Variants in ABLIM1 observed in about 807,000 individuals in gnomAD.
ABLIM1 encodes actin binding LIM protein 1, also known as actin-binding LIM protein 1.
ABLIM1 carries 40 observed loss-of-function variants against 107.0 expected under a neutral mutation model. That is an observed-to-expected ratio of 0.37 (90% CI 0.29 to 0.49). ABLIM1 has a LOEUF of 0.49. ABLIM1 is among the 20% of genes least tolerant of loss of function. The probability of loss-of-function intolerance (pLI) is 0.97; values close to 1 mark genes in which losing one functional copy is unlikely to be tolerated. For synonymous variants in ABLIM1, 357 were observed against 357.3 expected, an observed-to-expected ratio of 1.00 and a Z score of 0.01; for missense variants, 857 against 1,008.5, an observed-to-expected ratio of 0.85 and a Z score of 2.04.
At chr10:114,462,929 T>C (rs2064250447) in intron 12 of ABLIM1, 16 of 1,150,688 alleles carry the variant, frequency 1.4e-5, no homozygotes, top group Non-Finnish European at 1.2e-6. Context: ...CACGCAGGCA[T>C]GCTGAGAGCT....
Position 114,437,836 on chromosome 10 carries a change from T to G in ABLIM1, c.2223+8A>C, listed in dbSNP as rs566149113. 20 of 1,613,762 alleles carry G rather than the reference T, an allele frequency of 1.2e-5. No homozygotes were observed. In the Admixed American group the frequency reaches 2.0e-4, roughly 16 times the overall value. On this transcript the variant is annotated splice_region_variant and intron_variant, in intron 22 of 22. Transcript: ENST00000533213. ...CAGTTGGGACTGGATTTTTCGGTTTTGTTTTACCTCCAGCCTGGTTCTGTC... is the reference window on the plus strand; with the variant it reads ...CAGTTGGGACTGGATTTTTCGGTTTGGTTTTACCTCCAGCCTGGTTCTGTC...
chr10:114,568,348 A>G (rs1203235665), intron 4 of ABLIM1, among the ~76,000 whole-genome samples: 1 of 152,196 alleles, frequency 6.6e-6, no homozygotes, highest in African/African-American at 2.4e-5. Flanking sequence ...ACGTTTACCC[A>G]TGTAACAAAC....
chr10:114,794,573 T>C, the ABLIM1 span, among the ~76,000 whole-genome samples: 1 of 152,218 alleles, frequency 6.6e-6, no homozygotes, highest in African/African-American at 2.4e-5. Flanking sequence ...ACATCAGTAA[T>C]TGAGGATACA....
intron 5 of ABLIM1, among the ~76,000 whole-genome samples, chr10:114,546,808 T>C (rs1374711120): frequency 2.0e-5 from 3 of 152,144 alleles, no homozygotes; most frequent in African/African-American, 4.8e-5. Context: ...TGAGACAAGG[T>C]CTTACTCAGT....
the ABLIM1 span, among the ~76,000 whole-genome samples, chr10:114,798,260 A>C: frequency 6.6e-6 from 1 of 151,796 alleles, no homozygotes; most frequent in South Asian, 2.1e-4. Context: ...ATCTCTACTA[A>C]AAATACAAAA....
At chr10:114,683,495 G>A (rs1225330612) in intron 1 of ABLIM1, among the ~76,000 whole-genome samples, 2 of 152,146 alleles carry the variant, frequency 1.3e-5, no homozygotes, top group South Asian at 4.2e-4. Context: ...TAGCAGACCC[G>A]GCTCCCCAGT....
intron 1 of ABLIM1, among the ~76,000 whole-genome samples, chr10:114,617,843 G>A (rs570820790): frequency 5.3e-5 from 8 of 152,208 alleles, no homozygotes; most frequent in Non-Finnish European, 1.0e-4. Context: ...AAGTGTGGGC[G>A]GTGGCTCACA....
chr10:114,659,629 T>C (rs2079697775), upstream of ABLIM1, among the ~76,000 whole-genome samples: 1 of 152,248 alleles, frequency 6.6e-6, no homozygotes, highest in Non-Finnish European at 1.5e-5. Context: ...AGTTCTAGGA[T>C]ACATGTGCAC....
intron 1 of ABLIM1, among the ~76,000 whole-genome samples, chr10:114,749,895 T>C (rs2082474044): frequency 6.6e-6 from 1 of 152,174 alleles, no homozygotes; most frequent in Non-Finnish European, 1.5e-5. Flanking sequence ...AAGCCTTCCC[T>C]GATCATGCCC....
intron 6 of ABLIM1, among the ~76,000 whole-genome samples, chr10:114,493,357 G>A (rs762675093): frequency 1.1e-4 from 17 of 152,194 alleles, no homozygotes; most frequent in South Asian, 2.1e-4. Flanking sequence ...CCATGGTGTC[G>A]TCTGCAGTGA....
chr10:114,544,199 C>T (rs968604630), intron 6 of ABLIM1, among the ~76,000 whole-genome samples: 2 of 152,212 alleles, frequency 1.3e-5, no homozygotes, highest in African/African-American at 2.4e-5. Context: ...CTGTAGTCAT[C>T]CCCCTAGTTG....
At chr10:114,461,251 G>C (rs1442961682) in intron 12 of ABLIM1, among the ~76,000 whole-genome samples, 1 of 151,804 alleles carries the variant, frequency 6.6e-6, no homozygotes, top group African/African-American at 2.4e-5. Flanking sequence ...ATTTTTGGTA[G>C]AGATGGGGTT....
At chr10:114,657,793 A>C (rs2079593932) in intron 1 of ABLIM1, among the ~76,000 whole-genome samples, 164 bp downstream of exon 1, 1 of 152,208 alleles carries the variant, frequency 6.6e-6, no homozygotes, top group Non-Finnish European at 1.5e-5. Context: ...AGCTACACTT[A>C]TGTTACATTC....
intron 6 of ABLIM1, among the ~76,000 whole-genome samples, chr10:114,514,725 G>A (rs929913812): frequency 3.3e-5 from 5 of 152,174 alleles, no homozygotes; most frequent in Admixed American, 1.3e-4. Context: ...CTTGCAGACT[G>A]CATGAAAACC....
chr10:114,488,149 T>C, intron 7 of ABLIM1, 133 bp from the exon 8 acceptor site: 1 of 951,150 alleles, frequency 1.1e-6, no homozygotes, highest in Non-Finnish European at 1.7e-6. Context: ...TATGTCCAAG[T>C]GAATCATAAC....
intron 6 of ABLIM1, among the ~76,000 whole-genome samples, chr10:114,500,161 T>C (rs2060203790): frequency 6.6e-6 from 1 of 152,228 alleles, no homozygotes; most frequent in Non-Finnish European, 1.5e-5. Context: ...GCGAGGCTTC[T>C]GAGCTCACAA....
At chr10:114,590,988 A>G (rs2074808727) in intron 2 of ABLIM1, among the ~76,000 whole-genome samples, 1 of 152,180 alleles carries the variant, frequency 6.6e-6, no homozygotes, top group Admixed American at 6.5e-5. Context: ...ATGAAAGAAA[A>G]TCATGGCCAA....
intron 6 of ABLIM1, among the ~76,000 whole-genome samples, chr10:114,524,439 A>T (rs190252350): frequency 6.6e-6 from 1 of 152,316 alleles, no homozygotes; most frequent in Admixed American, 6.5e-5. Flanking sequence ...CCCAATTCCT[A>T]AAAAAATCAA....
At chr10:114,783,232 A>G in the ABLIM1 span, among the ~76,000 whole-genome samples, 21 of 152,052 alleles carry the variant, frequency 1.4e-4, no homozygotes, top group African/African-American at 5.1e-4. Context: ...CAGTGAGCCA[A>G]GATTGCACCC....
Sources: gnomAD v4.1 joint callset for allele counts (sites outside exome capture counted in the v4.1 genomes callset) on GRCh38, gnomAD v4.1.1 for gene constraint, MANE v1.5 for transcripts, NCBI Gene and HGNC (gene_info 2026-07-23, HGNC 2026-07-21) for gene names.